The following ARAF variants were observed in gnomAD, a reference collection of about 807,000 sequenced individuals.
The protein encoded by ARAF is A-Raf proto-oncogene, serine/threonine kinase, also known as serine/threonine-protein kinase A-Raf.
Under a neutral mutation model 48.0 loss-of-function variants are expected in ARAF, and 18 were observed. That is an observed-to-expected ratio of 0.37 (90% confidence interval 0.26 to 0.56). The LOEUF (loss-of-function observed/expected upper bound fraction) is 0.56, where lower values mean the gene tolerates loss of function less well. ARAF is among the 20% of genes least tolerant of loss of function. The pLI, the probability that ARAF is intolerant of heterozygous loss-of-function variation, is 0.77. For synonymous variants in ARAF, 207 were observed against 220.1 expected, an observed-to-expected ratio of 0.94 and a Z score of 0.53; for missense variants, 389 against 543.1, an observed-to-expected ratio of 0.72 and a Z score of 2.82.
At position 47,563,255 on chromosome X, in the gene ARAF, C is replaced by T. The variant is rs755693043; in HGVS notation, c.126C>T (p.Tyr42=). 28 of 1,210,510 alleles carry T rather than the reference C, an allele frequency of 2.3e-5. No individual in the cohort carries two copies. The South Asian group carries it at 4.1e-4, about 18-fold the overall frequency. ...CTGTCCGGGATGGCATGAGTGTCTA[C>T]GACTCTCTAGACAAGGCCCTGAAGG... ...VVTVRDGMSV[Y]DSLDKALKVR... The change falls in exon 3 of 16, where the codon TAC becomes TAT. Residue 42 remains tyrosine (Y), a synonymous_variant. Coordinates refer to ENST00000377045, the MANE Select transcript of ARAF (RefSeq NM_001654.5).
In ARAF at chrX:47,566,640, C is replaced by T. The variant is rs147086204; in HGVS notation, c.559C>T (p.Pro187Ser). The change falls in exon 7 of 16, where the codon CCC becomes TCC. Residue 187 changes from proline (P) to serine (S), a missense_variant and splice_region_variant. Coordinates refer to ENST00000377045, the MANE Select transcript of ARAF (RefSeq NM_001654.5). The part of the protein sequence containing the change: ...NELLTPQGPS[P>S]RTQHCDPEHF... ...ATTTCACAGCCTTTCCCCTGGCAGC[C>T]CCCGCACCCAGCACTGTGACCCGGA... 2.2e-5 allele frequency: 26 copies of T among 1,162,458 alleles called. No individual in the cohort carries two copies. The highest frequency in any genetic ancestry group is 2.9e-5 in the Non-Finnish European group (25 of 869,739).
intron 5 of ARAF, 34 bp downstream of exon 5, chrX:47,565,173 G>A (rs1569319611): frequency 8.3e-7 from 1 of 1,208,683 alleles, no homozygotes; most frequent in Admixed American, 2.2e-5. Context: ...GGGGGATGGG[G>A]AGCACAGAGG....
At chrX:47,568,640 A>G (rs1458874540) in intron 10 of ARAF, 78 bp from the exon 11 acceptor site, 1 of 1,050,359 alleles carries the variant, frequency 9.5e-7, no homozygotes, top group Non-Finnish European at 1.3e-6. Context: ...GGTAAAGAAC[A>G]GTGCCACTCC....
At chrX:47,563,517 G>A (rs189699904) in intron 3 of ARAF, among the ~76,000 whole-genome samples, 188 bp downstream of exon 3, 1 of 111,776 alleles carries the variant, frequency 8.9e-6, no homozygotes, top group Non-Finnish European at 1.9e-5. Flanking sequence ...AGATAGTACC[G>A]AACCCAATTG....
At chrX:47,562,877 G>A (rs2057716263) in intron 1 of ARAF, 32 bp from the exon 2 acceptor site, 1 of 696,827 alleles carries the variant, frequency 1.4e-6, no homozygotes, top group Non-Finnish European at 2.1e-6. Context: ...TATCATTATT[G>A]GACCTCTGAA....
Position 47,570,936 on chromosome X carries a change from A to G in ARAF, c.1610A>G (p.Asn537Ser), listed in dbSNP as rs1603047873. Reference protein sequence around the residue: ...LSPDLSKISSNCPKAMRRLLS... With the variant: ...LSPDLSKISSSCPKAMRRLLS... ...CCGGACCTCAGCAAAATCTCCAGCA[A>G]CTGCCCCAAGGCCATGCGGCGCCTG... Residue 537 changes from asparagine to serine, a missense_variant, in exon 15 of 16, where the codon AAC (asparagine) becomes AGC (serine). Physicochemically the swap from Asn to Ser is conservative, Grantham distance 46 (BLOSUM62 1). Transcript: ENST00000377045. 3.3e-6 allele frequency: 4 copies of G among 1,211,737 alleles called. No individual in the cohort carries two copies.
chrX:47,570,236 C>G, intron 14 of ARAF: 1 of 415,657 alleles, frequency 2.4e-6, no homozygotes, highest in South Asian at 4.9e-5. Context: ...TTCTCACATC[C>G]ACAGCCCTCT....
At chrX:47,569,199 A>T (rs987474272) in intron 12 of ARAF, among the ~76,000 whole-genome samples, 166 bp downstream of exon 12, 3 of 111,946 alleles carry the variant, frequency 2.7e-5, no homozygotes, top group Non-Finnish European at 5.6e-5. Flanking sequence ...AGTCTCTTAG[A>T]AGTCAGAGGT....
Position 47,565,329 on chromosome X carries a change from T to C in ARAF, c.536T>C (p.Leu179Ser), listed in dbSNP as rs779625869. Reference sequence around the variant, plus strand: ...CCCTCGAACCGCCCCCTGAATGAGTTGCTAACCCCCCAGGGTCCCAGGTAG... The same window carrying C: ...CCCTCGAACCGCCCCCTGAATGAGTCGCTAACCCCCCAGGGTCCCAGGTAG... ...EAPSNRPLNE[L>S]LTPQGPSPRT... Residue 179 changes from leucine (L) to serine (S), a missense_variant, in exon 6 of 16, where the codon TTG becomes TCG. Coordinates refer to ENST00000377045, the MANE Select transcript of ARAF (RefSeq NM_001654.5). 1 of 1,211,516 alleles carries C rather than the reference T, an allele frequency of 8.3e-7. No homozygotes were observed. Among genetic ancestry groups the C allele is most frequent in the East Asian group, 3.0e-5 (1 of 33,851 alleles).
At chrX:47,564,920 G>C in intron 4 of ARAF, 21 bp downstream of exon 4, 2 of 1,210,317 alleles carry the variant, frequency 1.7e-6, no homozygotes, top group African/African-American at 3.5e-5. Flanking sequence ...GGTGGACGGT[G>C]GGGGTGGACC....
chrX:47,566,058 A>G (rs1010139249), intron 6 of ARAF: 3 of 113,138 alleles, frequency 2.7e-5, no homozygotes, highest in African/African-American at 9.7e-5. Context: ...GTAACTTTAC[A>G]ATATGTTTAG....
At position 47,567,258 on chromosome X, in the gene ARAF, A is replaced by G. The variant is rs371146151; in HGVS notation, c.902A>G (p.Tyr301Cys). 1.1e-5 allele frequency: 13 copies of G among 1,209,672 alleles called. No homozygotes were observed. The highest frequency in any genetic ancestry group is 8.8e-5 in the African/African-American group (5 of 57,024). The change falls in exon 10 of 16, where the codon TAT becomes TGT. Residue 301 changes from tyrosine (Y) to cysteine (C), a missense_variant. Tyr to Cys is a radical substitution (Grantham distance 194, BLOSUM62 -2). Around this residue, in one of 4 missense-constraint regions of ARAF, gnomAD observed 170 missense variants for 281.4 expected, o/e 0.60. Coordinates refer to ENST00000377045, the MANE Select transcript of ARAF (RefSeq NM_001654.5). ...VKNLGYRDSGYYWEVPPSEVQ... is the reference protein window; with the variant it reads ...VKNLGYRDSGCYWEVPPSEVQ... ...AACCTGGGGTACCGGGACTCAGGCT[A>G]TTACTGGGAGGTACCACCCAGTGAG...
At chrX:47,568,513 A>G (rs2057742381) in intron 10 of ARAF, among the ~76,000 whole-genome samples, 1 of 110,907 alleles carries the variant, frequency 9.0e-6, no homozygotes, top group African/African-American at 3.3e-5. Context: ...AGCTCCACAT[A>G]TGAGCCCACA....
In ARAF at chrX:47,562,899, C is replaced by T; in HGVS notation, c.-59-10C>T. 1 of 853,992 alleles carries T rather than the reference C, an allele frequency of 1.2e-6. No individual in the cohort carries two copies. Among genetic ancestry groups the T allele is most frequent in the Non-Finnish European group, 1.6e-6 (1 of 614,547 alleles). The allele number at this position is 853,992 out of a possible 1,213,427, so 70.4% of individuals were successfully genotyped here. A position where few individuals can be genotyped will look rare whatever the true frequency, so the allele number is the denominator to read the frequency against. On this transcript the variant is annotated splice_polypyrimidine_tract_variant and intron_variant, in intron 1 of 15. Coordinates refer to ENST00000377045, the MANE Select transcript of ARAF (RefSeq NM_001654.5). ...ATTGGACCTCTGAATTCTTGTCTGCCTTCTTGTAGGAGCCCCATGGCACCT... is the reference window on the plus strand; with the variant it reads ...ATTGGACCTCTGAATTCTTGTCTGCTTTCTTGTAGGAGCCCCATGGCACCT...
At chrX:47,571,195 T>C (rs1157178256) in intron 15 of ARAF, 128 bp from the exon 16 acceptor site, 3 of 1,017,445 alleles carry the variant, frequency 2.9e-6, no homozygotes, top group East Asian at 6.5e-5. Flanking sequence ...TGTTTCGCCA[T>C]GAGGCTGGGA....
chrX:47,569,310 G>T, intron 12 of ARAF: 1 of 458,836 alleles, frequency 2.2e-6, no homozygotes, highest in Non-Finnish European at 3.8e-6. Context: ...AGTGGGTTCG[G>T]ATGCCCTCCG....
At chrX:47,563,134 C>T in intron 2 of ARAF, 71 bp downstream of exon 2, 1 of 1,153,418 alleles carries the variant, frequency 8.7e-7, no homozygotes, top group Non-Finnish European at 1.2e-6. Context: ...AAAAGGGTGA[C>T]AACGGTTGGG....
At chrX:47,571,217 G>A in intron 15 of ARAF, 106 bp from the exon 16 acceptor site, 2 of 916,312 alleles carry the variant, frequency 2.2e-6, no homozygotes, top group Non-Finnish European at 2.9e-6. Flanking sequence ...TGTTGGGTGT[G>A]TGTGTGTGTG....
chrX:47,564,735 T>C (rs973959225), intron 3 of ARAF, 62 bp from the exon 4 acceptor site: 22 of 962,434 alleles, frequency 2.3e-5, no homozygotes, highest in Non-Finnish European at 3.2e-5. Flanking sequence ...CTTGTGGGGG[T>C]TCCCTGCCTC....
Sources: gnomAD v4.1 joint callset for allele counts (sites outside exome capture counted in the v4.1 genomes callset) on GRCh38, gnomAD v4.1.1 for gene constraint, gnomAD v4.1.1 regional missense constraint, MANE v1.5 for transcripts, NCBI Gene and HGNC (gene_info 2026-07-23, HGNC 2026-07-21) for gene names.